SLC4A4: variants seen among roughly 807,000 people sequenced by gnomAD.
SLC4A4 encodes electrogenic sodium bicarbonate cotransporter 1.
A neutral mutation model predicts 111.5 loss-of-function variants in SLC4A4; 27 were observed. That is an observed-to-expected ratio of 0.24 (90% CI 0.18 to 0.33). The LOEUF is 0.33. SLC4A4 is among the 10% of genes least tolerant of loss of function. The probability of loss-of-function intolerance (pLI) is 1.00; values close to 1 mark genes in which losing one functional copy is unlikely to be tolerated. For missense variants in SLC4A4, 909 were observed against 1,315.5 expected (o/e 0.69, Z 4.78); for synonymous variants, 443 against 463.4 (o/e 0.96, Z 0.57).
chr4:71,106,968 A>G (rs1039390151), intron 2 of SLC4A4, among the ~76,000 whole-genome samples: 81 of 150,940 alleles, frequency 5.4e-4, no homozygotes, highest in Admixed American at 1.8e-3. Flanking sequence ...AAGTCTGTAA[A>G]GAGACTAAAA....
chr4:71,121,470 A>G (rs1350529110), intron 2 of SLC4A4, among the ~76,000 whole-genome samples: 2 of 152,200 alleles, frequency 1.3e-5, no homozygotes, highest in Non-Finnish European at 2.9e-5. Flanking sequence ...TTTTATTTCT[A>G]GCTGGAGGAT....
rs1371762514 is a variant in SLC4A4 at position 71,341,466 on chromosome 4, C to T, written c.389+1961C>T. On this transcript the variant is annotated intron_variant, in intron 4 of 25. Transcript: ENST00000264485. ...TCAGAAAGAAAATATTTTTAAAAAT[C>T]GCTTTAATCAATTAGAGCAGATGAG... 3.9e-5 allele frequency among the ~76,000 whole-genome samples: 6 copies of T among 151,960 alleles called. No individual in the cohort carries two copies. In the South Asian group the frequency reaches 8.3e-4, roughly 21 times the overall value.
chr4:71,290,406 A>G (rs956756740), intron 3 of SLC4A4, among the ~76,000 whole-genome samples: 2 of 152,196 alleles, frequency 1.3e-5, no homozygotes, highest in African/African-American at 4.8e-5. Context: ...ACCCAGGGAA[A>G]CCATGCGAGG....
chr4:71,566,003 G>A (rs974233650), intron 24 of SLC4A4, among the ~76,000 whole-genome samples: 3 of 151,780 alleles, frequency 2.0e-5, no homozygotes, highest in African/African-American at 7.3e-5. Context: ...TCATATTCTG[G>A]TGGTTATGCA....
intron 2 of SLC4A4, among the ~76,000 whole-genome samples, chr4:71,106,620 G>GT (rs1742928360): frequency 6.9e-6 from 1 of 145,976 alleles, no homozygotes; most frequent in East Asian, 2.0e-4. Context: ...CATGTCCTTT[G>GT]TAGGGACATG....
At chr4:71,318,513 G>T (rs1726871551) in intron 3 of SLC4A4, among the ~76,000 whole-genome samples, 1 of 152,110 alleles carries the variant, frequency 6.6e-6, no homozygotes, top group South Asian at 2.1e-4. Context: ...AATAGCTAAA[G>T]AATACATTTT....
intron 2 of SLC4A4, among the ~76,000 whole-genome samples, chr4:71,152,682 C>T (rs1744340550): frequency 6.6e-6 from 1 of 152,078 alleles, no homozygotes; most frequent in Non-Finnish European, 1.5e-5. Flanking sequence ...GACATTCTTA[C>T]ACATCTCTTG....
intron 2 of SLC4A4, among the ~76,000 whole-genome samples, chr4:71,113,815 A>G (rs1190659207): frequency 6.6e-6 from 1 of 152,200 alleles, no homozygotes; most frequent in Non-Finnish European, 1.5e-5. Context: ...TCTGTTAAAC[A>G]TTTCAATACA....
intron 2 of SLC4A4, among the ~76,000 whole-genome samples, chr4:71,169,917 C>G: frequency 6.6e-6 from 1 of 152,184 alleles, no homozygotes. Context: ...CAAGATTTGT[C>G]TCTTGCCTCC....
At chr4:71,500,231 C>G (rs1220759934) in intron 16 of SLC4A4, among the ~76,000 whole-genome samples, 1 of 152,076 alleles carries the variant, frequency 6.6e-6, no homozygotes, top group Admixed American at 6.6e-5. Context: ...TCTTCTTTTG[C>G]AAAACATCTA....
chr4:71,341,181 C>T (rs1460380188), intron 4 of SLC4A4, among the ~76,000 whole-genome samples: 1 of 152,110 alleles, frequency 6.6e-6, no homozygotes, highest in African/African-American at 2.4e-5. Context: ...TAGTTTATGT[C>T]AGGCACTGTT....
chr4:71,195,098 C>T (rs1054339925), intron 1 of SLC4A4, among the ~76,000 whole-genome samples: 3 of 151,862 alleles, frequency 2.0e-5, no homozygotes, highest in Non-Finnish European at 4.4e-5. Context: ...ACATGATCTT[C>T]CTTTAAATAA....
chr4:71,435,828 T>C (rs1018865935), intron 7 of SLC4A4, among the ~76,000 whole-genome samples: 4 of 152,170 alleles, frequency 2.6e-5, no homozygotes, highest in African/African-American at 9.7e-5. Context: ...CACTGGTCAT[T>C]AAAGAAATGC....
rs138679802 is a variant in SLC4A4, at chr4:71,560,833, T to A, written c.3099+579T>A. Among the ~76,000 whole-genome samples the A allele has an allele frequency of 3.3e-3, 494 of 151,912 alleles. 3 individuals are homozygous for A. The highest frequency in any genetic ancestry group is 0.011 in the African/African-American group (446 of 41,522). On this transcript the variant is annotated intron_variant, in intron 23 of 25. Coordinates refer to ENST00000264485, the MANE Select transcript of SLC4A4 (RefSeq NM_001098484.3). ...AATGGGAGTTTGGGGTCTTTTTACA[T>A]AATTATAGTGGTTAGTGTCATAGTC... is the stretch of plus-strand genomic sequence containing the variant.
At chr4:71,460,486 C>T (rs1033742969) in intron 12 of SLC4A4, among the ~76,000 whole-genome samples, 6 of 152,220 alleles carry the variant, frequency 3.9e-5, no homozygotes, top group Admixed American at 6.5e-5. Context: ...GGAGATAATT[C>T]GTCTTTCAAG....
chr4:71,162,177 G>T (rs1744631140), intron 2 of SLC4A4, among the ~76,000 whole-genome samples: 1 of 152,038 alleles, frequency 6.6e-6, no homozygotes, highest in Non-Finnish European at 1.5e-5. Flanking sequence ...CAATTATTTT[G>T]GTGCTGTAAA....
intron 2 of SLC4A4, among the ~76,000 whole-genome samples, chr4:71,098,866 G>C (rs886283829): frequency 6.6e-6 from 1 of 151,966 alleles, no homozygotes; most frequent in African/African-American, 2.4e-5. Flanking sequence ...GAGAAACAAG[G>C]GTATTACATA....
chr4:71,349,889 C>G (rs1159567171), intron 4 of SLC4A4, 23 bp from the exon 5 acceptor site: 15 of 1,613,346 alleles, frequency 9.3e-6, no homozygotes, highest in African/African-American at 1.3e-5. Flanking sequence ...TTTAATTGCT[C>G]TTCACTAATC....
intron 2 of SLC4A4, among the ~76,000 whole-genome samples, chr4:71,173,172 G>T (rs1457057331): frequency 6.6e-6 from 1 of 152,172 alleles, no homozygotes; most frequent in Non-Finnish European, 1.5e-5. Flanking sequence ...GTGGCAAAAT[G>T]TAGTCAAGAT....
Sources: gnomAD v4.1 joint callset for allele counts (sites outside exome capture counted in the v4.1 genomes callset) on GRCh38, gnomAD v4.1.1 for gene constraint, MANE v1.5 for transcripts, NCBI Gene and HGNC (gene_info 2026-07-23, HGNC 2026-07-21) for gene names.